HOOK3: variants seen among roughly 807,000 people sequenced by gnomAD.
HOOK3 encodes the protein protein Hook homolog 3.
HOOK3 carries 24 observed loss-of-function variants against 116.3 expected under a neutral mutation model. The ratio of observed to expected loss-of-function variants is 0.21; its 90% CI spans 0.15 to 0.29. The LOEUF (loss-of-function observed/expected upper bound fraction) is 0.29, where lower values mean the gene tolerates loss of function less well. Ranked by LOEUF, HOOK3 falls within the 10% of genes least tolerant of loss-of-function variation. HOOK3 has a pLI of 1.00. For synonymous variants in HOOK3, 275 were observed against 283.0 expected (o/e 0.97, Z 0.28); for missense variants, 632 against 830.2 (o/e 0.76, Z 2.93).
intron 18 of HOOK3, among the ~76,000 whole-genome samples, chr8:43,008,664 T>TTTTTA (rs1318440513): frequency 1.5e-5 from 2 of 136,098 alleles, no homozygotes; most frequent in African/African-American, 2.7e-5. Flanking sequence ...TTTATTTTTA[T>TTTTTA]TTTTTTTTTT....
In HOOK3 at chr8:42,973,455, A is replaced by G. The variant is rs1808762624; in HGVS notation, c.1233+56A>G. 4.6e-6 allele frequency: 5 copies of G among 1,098,258 alleles called. No homozygotes were observed. The South Asian group carries it at 8.9e-5, about 20-fold the overall frequency. 68.0% of individuals were successfully genotyped at this position (1,098,258 alleles called of 1,614,324 possible). On this transcript the variant is annotated intron_variant, in intron 12 of 21. Coordinates refer to ENST00000307602, the MANE Select transcript of HOOK3 (RefSeq NM_032410.4). ...GAGCACTGCTAAAATTAAGGCGATT[A>G]TGTTTAATTCATGTTTGGCCACATT...
At chr8:43,005,721 G>A (rs994371014) in intron 17 of HOOK3, among the ~76,000 whole-genome samples, 3 of 151,720 alleles carry the variant, frequency 2.0e-5, no homozygotes, top group Admixed American at 6.6e-5. Flanking sequence ...TTTTGAGACG[G>A]AGTTTCACTC....
At chr8:42,989,996 T>C (rs1389290230) in intron 15 of HOOK3, among the ~76,000 whole-genome samples, 1 of 152,110 alleles carries the variant, frequency 6.6e-6, no homozygotes, top group African/African-American at 2.4e-5. Context: ...TTAATTTTTT[T>C]ATTTTATTTT....
At chr8:42,944,549 A>G (rs1025714189) in intron 5 of HOOK3, among the ~76,000 whole-genome samples, 1 of 150,622 alleles carries the variant, frequency 6.6e-6, no homozygotes, top group Non-Finnish European at 1.5e-5. Context: ...GGCCGGGCGC[A>G]GTGGCTCACG....
chr8:42,906,926 C>G (rs1284439739), intron 2 of HOOK3, among the ~76,000 whole-genome samples: 1 of 152,138 alleles, frequency 6.6e-6, no homozygotes, highest in Non-Finnish European at 1.5e-5. Flanking sequence ...GTTTAATATG[C>G]ATTGTGGGTG....
intron 6 of HOOK3, among the ~76,000 whole-genome samples, chr8:42,953,630 CTACTATA>C (rs1201357563): frequency 6.6e-6 from 1 of 151,710 alleles, no homozygotes; most frequent in African/African-American, 2.4e-5. Context: ...TATCTAGCAT[CTACTATA>C]TACTAGATTG....
intron 13 of HOOK3, among the ~76,000 whole-genome samples, chr8:42,982,267 A>G (rs1245693089): frequency 1.4e-5 from 2 of 141,704 alleles, no homozygotes; most frequent in South Asian, 2.1e-4. Context: ...AAAAAAAAAA[A>G]AAAGAAAAAA....
At chr8:42,911,246 G>A (rs1807423040) in intron 2 of HOOK3, among the ~76,000 whole-genome samples, 1 of 152,190 alleles carries the variant, frequency 6.6e-6, no homozygotes, top group South Asian at 2.1e-4. Flanking sequence ...GAGGTCAGGA[G>A]TTCAAGACCA....
intron 9 of HOOK3, among the ~76,000 whole-genome samples, chr8:42,965,365 A>G (rs13251524): frequency 0.13 from 19,689 of 152,052 alleles, 1,760 homozygotes; most frequent in African/African-American, 0.25. Flanking sequence ...ATAGAGATAG[A>G]CTTATTTAAA....
intron 4 of HOOK3, 29 bp downstream of exon 4, chr8:42,930,201 A>C (rs749748505): frequency 6.7e-7 from 1 of 1,496,600 alleles, no homozygotes. Flanking sequence ...TTCTGCTTAG[A>C]AGTGTTACTA....
intron 1 of HOOK3, among the ~76,000 whole-genome samples, chr8:42,898,561 C>T (rs920929446): frequency 3.9e-5 from 6 of 152,198 alleles, no homozygotes; most frequent in Non-Finnish European, 7.3e-5. Flanking sequence ...AGAATCTGTA[C>T]ATCTGTAAAC....
intron 6 of HOOK3, among the ~76,000 whole-genome samples, chr8:42,955,270 C>G (rs1476585270): frequency 6.6e-6 from 1 of 152,156 alleles, no homozygotes; most frequent in Non-Finnish European, 1.5e-5. Context: ...CAGAGACCAA[C>G]TTTTCACATA....
At chr8:42,975,084 G>A (rs117608342) in intron 13 of HOOK3, among the ~76,000 whole-genome samples, 2,403 of 152,232 alleles carry the variant, frequency 0.016, 33 homozygotes, top group Non-Finnish European at 0.022. Context: ...GGGGAGAGGC[G>A]GCTACGGGTG....
intron 16 of HOOK3, among the ~76,000 whole-genome samples, chr8:43,001,817 A>G (rs1354941526): frequency 6.6e-6 from 1 of 152,198 alleles, no homozygotes; most frequent in African/African-American, 2.4e-5. Flanking sequence ...TTAGGTCTAT[A>G]ATTAAGTGAC....
Position 43,023,401 on chromosome 8 carries a change from C to CCTTCCTTA in HOOK3, c.*4910_*4911insACTTCCTT. 1 of 162,062 alleles carries CCTTCCTTA rather than the reference C, an allele frequency of 6.2e-6. No homozygotes were observed. Among genetic ancestry groups the CCTTCCTTA allele is most frequent in the Non-Finnish European group, 1.3e-5 (1 of 74,956 alleles). The allele number at this position is 162,062 out of a possible 1,614,324, so 10.0% of individuals were successfully genotyped here. A position where few individuals can be genotyped will look rare whatever the true frequency, so the allele number is the denominator to read the frequency against. On this transcript the variant is annotated 3_prime_UTR_variant, in exon 22 of 22. Coordinates refer to ENST00000307602, the MANE Select transcript of HOOK3 (RefSeq NM_032410.4). ...CTCCTTCCTTCCTCCTTCCTTCCTT[C>CCTTCCTTA]CTTCCTTCCTTCCTTCCTTCCCTTC...
chr8:43,025,642 G>A lies in HOOK3; in HGVS notation c.*7144G>A, dbSNP rs528262842. ...AGGGAAAAACACTTATTTTCATTTTGAGACTGTTTGGCTATTACTAAAGCT... is the reference window on the plus strand; with the variant it reads ...AGGGAAAAACACTTATTTTCATTTTAAGACTGTTTGGCTATTACTAAAGCT... On this transcript the variant is annotated 3_prime_UTR_variant, in exon 22 of 22. Transcript: ENST00000307602. 4.7e-6 allele frequency: 1 copy of A among 213,678 alleles called. No homozygotes were observed. Among genetic ancestry groups the A allele is most frequent in the South Asian group, 1.9e-4 (1 of 5,372 alleles). 13.2% of individuals were successfully genotyped at this position (213,678 alleles called of 1,614,324 possible). A position where few individuals can be genotyped will look rare whatever the true frequency, so the allele number is the denominator to read the frequency against.
At chr8:42,940,457 CAGAG>C (rs1808090301) in intron 4 of HOOK3, among the ~76,000 whole-genome samples, 1 of 152,212 alleles carries the variant, frequency 6.6e-6, no homozygotes, top group African/African-American at 2.4e-5. Context: ...GGCTCGGCAT[CAGAG>C]GGAGACCGTG....
chr8:43,017,423 C>A (rs1809745107), intron 21 of HOOK3, among the ~76,000 whole-genome samples: 1 of 152,136 alleles, frequency 6.6e-6, no homozygotes, highest in Admixed American at 6.6e-5. Flanking sequence ...TGCCATCATG[C>A]CCAGCTAATT....
At chr8:42,909,291 T>C (rs1473596790) in intron 2 of HOOK3, among the ~76,000 whole-genome samples, 1 of 152,214 alleles carries the variant, frequency 6.6e-6, no homozygotes, top group Non-Finnish European at 1.5e-5. Context: ...CCCACTTTTG[T>C]GTATATAGCC....
Sources: gnomAD v4.1 joint callset for allele counts (sites outside exome capture counted in the v4.1 genomes callset) on GRCh38, gnomAD v4.1.1 for gene constraint, MANE v1.5 for transcripts, NCBI Gene and HGNC (gene_info 2026-07-23, HGNC 2026-07-21) for gene names.